Variants in ADCY9 observed in about 807,000 individuals in gnomAD.
ADCY9 encodes the protein adenylate cyclase type 9.
A neutral mutation model predicts 101.5 loss-of-function variants in ADCY9; 50 were observed. The ratio of observed to expected loss-of-function variants is 0.49; its 90% confidence interval spans 0.39 to 0.62. The LOEUF (loss-of-function observed/expected upper bound fraction) is 0.62. Among genes scored for constraint, ADCY9 ranks in the 20% least tolerant of loss-of-function variants. ADCY9 has a pLI of 0.00. For missense variants in ADCY9, 1,662 were observed against 1,800.4 expected, an observed-to-expected ratio of 0.92 and a Z score of 1.39; for synonymous variants, 905 against 769.3, an observed-to-expected ratio of 1.18 and a Z score of -2.92.
chr16:4,053,435 G>A (rs2056714746), intron 2 of ADCY9, among the ~76,000 whole-genome samples: 1 of 151,888 alleles, frequency 6.6e-6, no homozygotes, highest in African/African-American at 2.4e-5. Flanking sequence ...AGCTCTCGAC[G>A]GAAACAGCAG....
chr16:3,993,332 C>T, intron 4 of ADCY9, 74 bp downstream of exon 4: 1 of 1,588,246 alleles, frequency 6.3e-7, no homozygotes, highest in Non-Finnish European at 8.6e-7. Flanking sequence ...AAGAAGTCGA[C>T]AAGACAGGAA....
intron 10 of ADCY9, among the ~76,000 whole-genome samples, chr16:3,971,869 C>A (rs1320271406): frequency 6.6e-6 from 1 of 152,178 alleles, no homozygotes; most frequent in Non-Finnish European, 1.5e-5. Flanking sequence ...GTACAGCTCA[C>A]TCTAATCTGC....
rs374837350 is a variant in ADCY9 at position 4,082,616 on chromosome 16, A to G, written c.1693+31134T>C. On this transcript the variant is annotated intron_variant, in intron 2 of 10. Transcript: ENST00000294016. ...CACAGGCACACCCATGCAAGCACGC[A>G]CACACACATGCAGGCACACCCACGC... Among the ~76,000 whole-genome samples, 7 of 151,396 alleles carry G rather than the reference A, an allele frequency of 4.6e-5. No individual in the cohort carries two copies. In the East Asian group the frequency reaches 7.8e-4, roughly 17 times the overall value.
At chr16:4,031,165 T>A (rs761662660) in intron 2 of ADCY9, among the ~76,000 whole-genome samples, 1 of 152,180 alleles carries the variant, frequency 6.6e-6, no homozygotes, top group African/African-American at 2.4e-5. Flanking sequence ...ATGAACTATA[T>A]ATTTTATAAG....
chr16:4,088,694 C>T (rs1005668905), intron 2 of ADCY9, among the ~76,000 whole-genome samples: 8 of 151,978 alleles, frequency 5.3e-5, no homozygotes, highest in South Asian at 2.1e-4. Flanking sequence ...CATCCCTCTC[C>T]GCTCCACAAT....
chr16:3,971,509 C>A (rs2056051745), intron 10 of ADCY9, among the ~76,000 whole-genome samples: 1 of 152,172 alleles, frequency 6.6e-6, no homozygotes, highest in Admixed American at 6.6e-5. Context: ...ATTTCGTGAA[C>A]TGCTATTGAA....
intron 2 of ADCY9, among the ~76,000 whole-genome samples, chr16:4,069,819 G>A (rs917918200): frequency 2.0e-5 from 3 of 152,134 alleles, no homozygotes; most frequent in Non-Finnish European, 1.5e-5. Flanking sequence ...AATGCGGCCA[G>A]GCATGGTGGC....
chr16:4,026,222 T>C (rs1017798037), intron 2 of ADCY9, among the ~76,000 whole-genome samples: 2 of 152,032 alleles, frequency 1.3e-5, no homozygotes, highest in African/African-American at 4.8e-5. Context: ...GTCAGGAGTC[T>C]GAGACCAGCG....
intron 2 of ADCY9, among the ~76,000 whole-genome samples, chr16:4,095,102 A>G (rs1167721655): frequency 6.6e-6 from 1 of 151,352 alleles, no homozygotes; most frequent in East Asian, 1.9e-4. Context: ...TACCAGGTTC[A>G]AGCGATTCTC....
chr16:3,989,266 C>A (rs992470563), intron 5 of ADCY9, among the ~76,000 whole-genome samples, 170 bp from the exon 6 acceptor site: 3 of 152,194 alleles, frequency 2.0e-5, no homozygotes, highest in Admixed American at 2.0e-4. Context: ...TAAAACAGAT[C>A]TGTGGAAAGT....
intron 7 of ADCY9, among the ~76,000 whole-genome samples, chr16:3,980,767 G>A (rs181720275): frequency 1.2e-3 from 190 of 152,322 alleles, no homozygotes; most frequent in Admixed American, 9.0e-3. Flanking sequence ...CCACAAATAT[G>A]CAGAATACAG....
chr16:4,116,334 G>C lies in ADCY9; in HGVS notation c.-688C>G, dbSNP rs910671530. 1.4e-5 allele frequency: 2 copies of C among 145,930 alleles called. No individual in the cohort carries two copies. The highest frequency in any genetic ancestry group is 6.8e-5 in the Admixed American group (1 of 14,672). 9.0% of individuals were successfully genotyped at this position (145,930 alleles called of 1,614,324 possible). ...CGCCGGGGGCCGCCTCCCCGAGCTA[G>C]AGATGCGGCCGCCGCCGCGCCCGCC... On this transcript the variant is annotated 5_prime_UTR_variant, in exon 1 of 11. Transcript: ENST00000294016.
At chr16:4,078,978 GT>G (rs1350648349) in intron 2 of ADCY9, among the ~76,000 whole-genome samples, 3 of 152,152 alleles carry the variant, frequency 2.0e-5, no homozygotes, top group African/African-American at 7.2e-5. Context: ...TCATCACACT[GT>G]TATAATTGAC....
intron 2 of ADCY9, among the ~76,000 whole-genome samples, chr16:4,091,654 G>T (rs1045184375): frequency 6.6e-6 from 1 of 152,218 alleles, no homozygotes; most frequent in African/African-American, 2.4e-5. Flanking sequence ...ACTACTCCAT[G>T]CCACAACATG....
intron 6 of ADCY9, among the ~76,000 whole-genome samples, chr16:3,986,356 G>T (rs1355790651): frequency 6.6e-6 from 1 of 152,262 alleles, no homozygotes; most frequent in East Asian, 1.9e-4. Context: ...GTGGCCACCT[G>T]CCCTGAGTTT....
chr16:4,003,135 G>T (rs1053733675), intron 3 of ADCY9, among the ~76,000 whole-genome samples: 13 of 152,014 alleles, frequency 8.6e-5, no homozygotes, highest in African/African-American at 1.2e-4. Context: ...CTGCTGGAGC[G>T]CTGACGTCAC....
intron 2 of ADCY9, among the ~76,000 whole-genome samples, chr16:4,091,629 T>A (rs1370442907): frequency 6.6e-6 from 1 of 152,046 alleles, no homozygotes; most frequent in East Asian, 1.9e-4. Context: ...TATGCACCCA[T>A]AACAAAAAGG....
intron 3 of ADCY9, among the ~76,000 whole-genome samples, chr16:4,006,887 G>A (rs2056370780): frequency 1.3e-5 from 2 of 152,170 alleles, no homozygotes; most frequent in Non-Finnish European, 2.9e-5. Context: ...TCGGCAGCCT[G>A]TCCTCTCAGT....
chr16:3,962,948 A>G lies in ADCY9; in HGVS notation c.*2827T>C, dbSNP rs895017873. ...CCTTCGGCTCTCCGGATCGTGTGCA[A>G]ATGTGCAGGGGGAGCCCCCGCGGGT... On this transcript the variant is annotated 3_prime_UTR_variant, in exon 11 of 11. Transcript: ENST00000294016. The G allele has an allele frequency of 2.0e-4, 30 of 152,706 alleles. No individual in the cohort carries two copies. Among genetic ancestry groups the G allele is most frequent in the African/African-American group, 6.8e-4 (28 of 41,354 alleles). The allele number at this position is 152,706 out of a possible 1,614,324, so 9.5% of individuals were successfully genotyped here. A position where few individuals can be genotyped will look rare whatever the true frequency, so the allele number is the denominator to read the frequency against.
Sources: allele counts gnomAD v4.1 joint callset (sites outside exome capture counted in the v4.1 genomes callset), GRCh38; gene constraint gnomAD v4.1.1; transcripts MANE v1.5; gene names NCBI Gene and HGNC (gene_info 2026-07-23, HGNC 2026-07-21).